The following ZC3H12B variants were observed in gnomAD, a reference collection of about 807,000 sequenced individuals.
ZC3H12B encodes the protein probable ribonuclease ZC3H12B.
ZC3H12B carries 7 observed loss-of-function variants against 43.9 expected under a neutral mutation model. The observed-to-expected ratio is 0.16, with a 90% confidence interval of 0.09 to 0.30. The LOEUF is 0.30. ZC3H12B is among the 10% of genes least tolerant of loss of function. The probability of loss-of-function intolerance (pLI) is 1.00; values close to 1 mark genes in which losing one functional copy is unlikely to be tolerated. For synonymous variants in ZC3H12B, 222 were observed against 241.7 expected, an observed-to-expected ratio of 0.92 and a Z score of 0.76; for missense variants, 475 against 670.2, an observed-to-expected ratio of 0.71 and a Z score of 3.22.
the ZC3H12B span, among the ~76,000 whole-genome samples, chrX:65,230,878 A>G: frequency 1.8e-5 from 2 of 111,982 alleles, no homozygotes; most frequent in Non-Finnish European, 3.8e-5. Context: ...ACACAGTCCA[A>G]GATAGACTAC....
At chrX:65,068,407 G>C in the ZC3H12B span, among the ~76,000 whole-genome samples, 17 of 110,420 alleles carry the variant, frequency 1.5e-4, no homozygotes, top group Admixed American at 4.8e-4. Context: ...AGGTTACAAT[G>C]AGGCTTGGAA....
chrX:65,189,024 C>G, the ZC3H12B span, among the ~76,000 whole-genome samples: 3 of 96,514 alleles, frequency 3.1e-5, no homozygotes, highest in Non-Finnish European at 4.1e-5. Context: ...TCAATTCTCA[C>G]CTATGAGTGA....
the ZC3H12B span, among the ~76,000 whole-genome samples, chrX:65,285,013 T>C: frequency 9.0e-6 from 1 of 110,783 alleles, no homozygotes; most frequent in East Asian, 2.8e-4. Context: ...AATTTACAAA[T>C]TATTGCTATC....
At chrX:65,351,609 A>T in the ZC3H12B span, among the ~76,000 whole-genome samples, 1 of 112,577 alleles carries the variant, frequency 8.9e-6, no homozygotes. Context: ...AAGGACTTAA[A>T]CAAATTTACA....
chrX:65,430,598 G>T (rs1180392504), intron 3 of ZC3H12B, among the ~76,000 whole-genome samples: 2 of 102,825 alleles, frequency 1.9e-5, no homozygotes, highest in Admixed American at 2.1e-4. Context: ...GCGGTGTTTG[G>T]TTTTTTGTCC....
chrX:65,092,245 A>G, the ZC3H12B span, among the ~76,000 whole-genome samples: 1 of 111,826 alleles, frequency 8.9e-6, no homozygotes, highest in Admixed American at 9.6e-5. Context: ...TCTTTTCTTT[A>G]TAAATTACCC....
chrX:65,283,594 T>C, the ZC3H12B span, among the ~76,000 whole-genome samples: 1 of 111,611 alleles, frequency 9.0e-6, no homozygotes, highest in South Asian at 3.8e-4. Context: ...CAGTCCAAAA[T>C]CTCCTTAAGC....
At chrX:65,313,249 G>A in the ZC3H12B span, among the ~76,000 whole-genome samples, 5 of 111,903 alleles carry the variant, frequency 4.5e-5, no homozygotes, top group African/African-American at 1.6e-4. Flanking sequence ...TTATTTTTCT[G>A]TATTTTCTCT....
At chrX:65,263,147 C>T in the ZC3H12B span, among the ~76,000 whole-genome samples, 134 of 111,108 alleles carry the variant, frequency 1.2e-3, no homozygotes, top group Non-Finnish European at 1.8e-3. Flanking sequence ...AAATAATATG[C>T]ATGAGGTTCA....
intron 2 of ZC3H12B, among the ~76,000 whole-genome samples, chrX:65,377,985 G>A (rs994823622): frequency 3.6e-5 from 4 of 110,607 alleles, no homozygotes; most frequent in Admixed American, 9.7e-5. Context: ...AGTAGTCCCA[G>A]CTACTCGGGA....
At chrX:65,458,831 C>G (rs2067680013) in intron 3 of ZC3H12B, among the ~76,000 whole-genome samples, 2 of 111,112 alleles carry the variant, frequency 1.8e-5, no homozygotes, top group Non-Finnish European at 3.8e-5. Flanking sequence ...CATTCAAAAG[C>G]TAGCAGAAGA....
chrX:65,471,275 T>C (rs761698557), intron 3 of ZC3H12B, among the ~76,000 whole-genome samples: 2 of 110,588 alleles, frequency 1.8e-5, no homozygotes, highest in South Asian at 7.7e-4. Context: ...CTTTGTCTTT[T>C]TTTTAACTGT....
chrX:65,170,391 G>T, the ZC3H12B span, among the ~76,000 whole-genome samples: 1 of 112,041 alleles, frequency 8.9e-6, no homozygotes, highest in Non-Finnish European at 1.9e-5. Context: ...TAGAGTTTCT[G>T]CCGAGAGATC....
chrX:65,268,370 C>CA, the ZC3H12B span, among the ~76,000 whole-genome samples: 4 of 111,362 alleles, frequency 3.6e-5, no homozygotes, highest in African/African-American at 1.3e-4. Flanking sequence ...TAAACTCTTT[C>CA]AAAAAAGAGA....
At chrX:65,092,237 T>A in the ZC3H12B span, among the ~76,000 whole-genome samples, 1 of 111,908 alleles carries the variant, frequency 8.9e-6, no homozygotes, top group Non-Finnish European at 1.9e-5. Flanking sequence ...ATTAAATATC[T>A]TTTCTTTATA....
chrX:65,129,101 C>A, the ZC3H12B span, among the ~76,000 whole-genome samples: 5 of 109,696 alleles, frequency 4.6e-5, no homozygotes, highest in Non-Finnish European at 7.6e-5. Context: ...TCAGAATATT[C>A]TTTGTTTCTT....
the ZC3H12B span, among the ~76,000 whole-genome samples, chrX:65,212,337 TATA>T: frequency 4.0e-5 from 2 of 49,416 alleles, no homozygotes; most frequent in Admixed American, 8.0e-4. Context: ...TTATATAATA[TATA>T]ATATAAATAT....
chrX:65,427,094 T>C (rs748211144), intron 3 of ZC3H12B, among the ~76,000 whole-genome samples: 5 of 111,849 alleles, frequency 4.5e-5, no homozygotes, highest in Non-Finnish European at 9.4e-5. Flanking sequence ...TGTGGGAGTC[T>C]AAGTCTCTTT....
chrX:65,160,333 A>T, the ZC3H12B span, among the ~76,000 whole-genome samples: 1 of 111,815 alleles, frequency 8.9e-6, no homozygotes, highest in South Asian at 3.7e-4. Flanking sequence ...TTCAGAAGGA[A>T]TGGTACCAGT....
Sources: gnomAD v4.1 joint callset for allele counts (sites outside exome capture counted in the v4.1 genomes callset) on GRCh38, gnomAD v4.1.1 for gene constraint, MANE v1.5 for transcripts, NCBI Gene and HGNC (gene_info 2026-07-23, HGNC 2026-07-21) for gene names.